Variants in NAV1 observed in about 807,000 individuals in gnomAD.
NAV1 encodes pore membrane and/or filament interacting like protein 3.
A neutral mutation model predicts 175.2 loss-of-function variants in NAV1; 18 were observed. The observed-to-expected ratio is 0.10, with a 90% confidence interval of 0.07 to 0.15. The LOEUF (loss-of-function observed/expected upper bound fraction) is 0.15, where lower values mean the gene tolerates loss of function less well. Among genes scored for constraint, NAV1 ranks in the 10% least tolerant of loss-of-function variants. The probability of loss-of-function intolerance (pLI) is 1.00; values close to 1 mark genes in which losing one functional copy is unlikely to be tolerated. For missense variants in NAV1, 1,731 were observed against 2,436.6 expected, an observed-to-expected ratio of 0.71 and a Z score of 6.10; for synonymous variants, 897 against 978.7, an observed-to-expected ratio of 0.92 and a Z score of 1.56.
chr1:201,628,421 C>G (rs1314373702), intron 1 of NAV1, among the ~76,000 whole-genome samples: 1 of 151,086 alleles, frequency 6.6e-6, no homozygotes, highest in Admixed American at 6.6e-5. Flanking sequence ...AAGCCGGACC[C>G]AGAGAGGAGA....
At position 201,781,078 on chromosome 1, in the gene NAV1, G is replaced by A. The variant is rs561124129; in HGVS notation, c.1432G>A (p.Glu478Lys). The change falls in exon 5 of 30, where the codon GAG becomes AAG. Residue 478 changes from glutamate (E) to lysine (K), a missense_variant. Glu to Lys is a moderately conservative substitution (Grantham distance 56, BLOSUM62 1). Coordinates refer to ENST00000367296, the Ensembl canonical transcript of NAV1. The stretch of plus-strand genomic sequence containing the variant: ...GCTGAGCTGGTTTAGTGAATCAGAG[G>A]AGAAAGCCCCTAAAAAACTGGAGTA... 5 of 1,614,192 alleles carry A rather than the reference G, an allele frequency of 3.1e-6. No individual in the cohort carries two copies. Among genetic ancestry groups the A allele is most frequent in the South Asian group, 2.2e-5 (2 of 91,086 alleles).
chr1:201,776,816 A>C (rs1327214056), intron 3 of NAV1, among the ~76,000 whole-genome samples: 1 of 152,136 alleles, frequency 6.6e-6, no homozygotes, highest in African/African-American at 2.4e-5. Flanking sequence ...AACTGAAGGT[A>C]ATGAGTGTGT....
In NAV1 at chr1:201,785,363, A is replaced by C. The variant is rs768800459; in HGVS notation, c.2846+12A>C. On this transcript the variant is annotated intron_variant, in intron 8 of 29. Coordinates refer to ENST00000367296, the Ensembl canonical transcript of NAV1. ...AAGAAAGGGCTCAGGTAACCCTTTA[A>C]TGTGTTTTTTCTTCCCTATAAATGG... 1 of 1,611,662 alleles carries C rather than the reference A, an allele frequency of 6.2e-7. No homozygotes were observed. Among genetic ancestry groups the C allele is most frequent in the Non-Finnish European group, 8.5e-7 (1 of 1,179,336 alleles).
rs768926710 is a variant in NAV1 at position 201,785,296 on chromosome 1, TTTTA to T, written c.2805-12_2805-9del. 7 of 1,600,532 alleles carry T rather than the reference TTTTA, an allele frequency of 4.4e-6. No homozygotes were observed. The African/African-American group carries it at 6.8e-5, about 16-fold the overall frequency. On this transcript the variant is annotated splice_polypyrimidine_tract_variant and intron_variant, in intron 7 of 29. Coordinates refer to ENST00000367296, the Ensembl canonical transcript of NAV1. The stretch of plus-strand genomic sequence containing the variant: ...TCTCTCTCTCTCTTTTTTTTTTTTT[TTTTA>T]TCTCCACAGTAATCAGCGGGATCGG...
At chr1:201,696,986 G>A (rs113846941) in intron 1 of NAV1, among the ~76,000 whole-genome samples, 49 of 152,208 alleles carry the variant, frequency 3.2e-4, no homozygotes, top group African/African-American at 1.1e-3. Context: ...CTCACCTTCT[G>A]ATGCTCACTA....
rs1672223739 is a variant in NAV1, at chr1:201,718,341, C to T, written c.861-49C>T. ...GGGGTGCATGTGAGGGGACAGGGCACACGGCGGCTGTGCCAAGGACTAAGT... is the reference window on the plus strand; with the variant it reads ...GGGGTGCATGTGAGGGGACAGGGCATACGGCGGCTGTGCCAAGGACTAAGT... On this transcript the variant is annotated intron_variant, in intron 2 of 29. Transcript: ENST00000367296. The surrounding 1 kb of genome is among the most constrained non-coding windows in gnomAD (Gnocchi z 4.8). The T allele has an allele frequency of 4.7e-6, 7 of 1,481,514 alleles. No homozygotes were observed. In the East Asian group the frequency reaches 1.2e-4, roughly 25 times the overall value. The allele number at this position is 1,481,514 out of a possible 1,614,324, so 91.8% of individuals were successfully genotyped here.
intron 17 of NAV1, among the ~76,000 whole-genome samples, chr1:201,804,846 G>A (rs1445209813): frequency 6.6e-6 from 1 of 152,096 alleles, no homozygotes; most frequent in Non-Finnish European, 1.5e-5. Context: ...TCTTCTTTTT[G>A]GTTCCATAAT....
Position 201,756,868 on chromosome 1 carries a change from CTTTCTTTCTTTCT to C in NAV1, c.1227-23550_1227-23538del, listed in dbSNP as rs1558131800. On this transcript the variant is annotated intron_variant, in intron 3 of 29. Coordinates refer to ENST00000367296, the Ensembl canonical transcript of NAV1. ...TCTTTCTTTCTTTCTTTCTTTCTTT[CTTTCTTTCTTTCT>C]TTCTCTGTCTTTCTCCCCACTACTT... 8.0e-4 allele frequency among the ~76,000 whole-genome samples: 98 copies of C among 122,404 alleles called. 1 individual carries two copies. Among genetic ancestry groups the C allele is most frequent in the African/African-American group, 2.8e-3 (89 of 31,416 alleles). The allele number at this position is 122,404 out of a possible 152,430, so 80.3% of individuals were successfully genotyped here.
chr1:201,719,879 C>CG (rs1672301817), intron 3 of NAV1, among the ~76,000 whole-genome samples: 1 of 152,128 alleles, frequency 6.6e-6, no homozygotes, highest in Non-Finnish European at 1.5e-5. Flanking sequence ...TCGGAAAAGA[C>CG]GAGAGCCAAG....
intron 1 of NAV1, among the ~76,000 whole-genome samples, chr1:201,676,062 A>G (rs565679728): frequency 2.0e-5 from 3 of 152,248 alleles, no homozygotes; most frequent in Admixed American, 6.5e-5. Context: ...ACTCACCTGA[A>G]GCTTTCACCA....
intron 11 of NAV1, 40 bp from the exon 16 acceptor site, chr1:201,790,514 C>G: frequency 6.2e-7 from 1 of 1,612,992 alleles, no homozygotes; most frequent in Non-Finnish European, 8.5e-7. Context: ...TAACTACTTC[C>G]TTTCTCTCTC....
chr1:201,808,737 G>A lies in NAV1; in HGVS notation c.4073G>A (p.Arg1358Gln), dbSNP rs1305794612. ...GACCTGCTGAAAGCAGAGAATGACC[G>A]ACTGAAGGTAGCCCCAGGCCCCTCA... The change falls in exon 20 of 30, where the codon CGA (arginine) becomes CAA (glutamine). Residue 1358 changes from arginine (R) to glutamine (Q), a missense_variant. Around this residue, in one of 13 missense-constraint regions of NAV1, gnomAD observed 18 missense variants for 56.2 expected, o/e 0.32. Transcript: ENST00000367296. The surrounding 1 kb of genome is among the most constrained non-coding windows in gnomAD (Gnocchi z 5.5). 4.3e-6 allele frequency: 7 copies of A among 1,614,158 alleles called. No homozygotes were observed. Among genetic ancestry groups the A allele is most frequent in the East Asian group, 2.2e-5 (1 of 44,878 alleles).
chr1:201,629,460 G>T, exon 2 of NAV1: 1 of 1,304,320 alleles, frequency 7.7e-7, no homozygotes, highest in Non-Finnish European at 1.0e-6. Context: ...CCCCTTGATG[G>T]CTATGCTGAG....
intron 1 of NAV1, among the ~76,000 whole-genome samples, chr1:201,699,721 T>C (rs1671336350): frequency 1.3e-5 from 2 of 152,220 alleles, no homozygotes; most frequent in South Asian, 4.1e-4. Context: ...CAAAACAGCA[T>C]GGTGCTGGTA....
chr1:201,696,445 G>A (rs12744392), intron 1 of NAV1, among the ~76,000 whole-genome samples: 66,365 of 152,092 alleles, frequency 0.44, 14,837 homozygotes, highest in South Asian at 0.63. Flanking sequence ...ACAAAGCCCA[G>A]TGAGGAGAAA....
At chr1:201,672,899 C>T (rs1238542209) in intron 1 of NAV1, among the ~76,000 whole-genome samples, 2 of 152,190 alleles carry the variant, frequency 1.3e-5, no homozygotes, top group Non-Finnish European at 2.9e-5. Context: ...TGTGGACGCA[C>T]ATAGACTGAT....
chr1:201,644,828 A>G (rs1668920730), upstream of NAV1, among the ~76,000 whole-genome samples: 1 of 152,228 alleles, frequency 6.6e-6, no homozygotes, highest in Non-Finnish European at 1.5e-5. Context: ...ATATCCCATG[A>G]GAGCATGAGA....
intron 1 of NAV1, among the ~76,000 whole-genome samples, chr1:201,662,164 G>A (rs1196502166): frequency 6.6e-6 from 1 of 152,232 alleles, no homozygotes; most frequent in Non-Finnish European, 1.5e-5. Context: ...GGCATCGTAA[G>A]CCCTGTTGGG....
intron 3 of NAV1, among the ~76,000 whole-genome samples, chr1:201,753,456 A>G (rs1674258197): frequency 6.6e-6 from 1 of 152,190 alleles, no homozygotes; most frequent in African/African-American, 2.4e-5. Flanking sequence ...GCGATTGAAG[A>G]GTGGTTAAAG....
Sources: allele counts gnomAD v4.1 joint callset (sites outside exome capture counted in the v4.1 genomes callset), GRCh38; gene constraint gnomAD v4.1.1; regional missense constraint gnomAD v4.1.1; non-coding constraint Gnocchi (gnomAD v3.1); transcripts MANE v1.5; gene names NCBI Gene and HGNC (gene_info 2026-07-23, HGNC 2026-07-21).